The following PLXDC2 variants were observed in gnomAD, a reference collection of about 807,000 sequenced individuals.
PLXDC2 encodes the protein plexin domain-containing protein 2.
A neutral mutation model predicts 68.9 loss-of-function variants in PLXDC2; 40 were observed. The observed-to-expected ratio is 0.58, with a 90% CI of 0.45 to 0.76. PLXDC2 has a LOEUF of 0.76. Among genes scored for constraint, PLXDC2 ranks in the 30% least tolerant of loss-of-function variants. The probability of loss-of-function intolerance (pLI) is 0.00; values close to 1 mark genes in which losing one functional copy is unlikely to be tolerated. For synonymous variants in PLXDC2, 243 were observed against 234.2 expected, an observed-to-expected ratio of 1.04 and a Z score of -0.34; for missense variants, 644 against 661.9, an observed-to-expected ratio of 0.97 and a Z score of 0.30.
chr10:19,888,801 G>A lies in PLXDC2; in HGVS notation c.112+71610G>A, dbSNP rs375001347. ...AGGCTGGTAAAATCAAGGAAAGCAC[G>A]GTTACTAAAAAATGTCATTAAAAAG... On this transcript the variant is annotated intron_variant, in intron 1 of 13. Coordinates refer to ENST00000377252, the MANE Select transcript of PLXDC2 (RefSeq NM_032812.9). Among the ~76,000 whole-genome samples, 20 of 152,020 alleles carry A rather than the reference G, an allele frequency of 1.3e-4. No homozygotes were observed. In the East Asian group the frequency reaches 3.3e-3, roughly 25 times the overall value.
At chr10:20,177,466 A>C in intron 9 of PLXDC2, 57 bp downstream of exon 9, 1 of 952,732 alleles carries the variant, frequency 1.0e-6, no homozygotes, top group Non-Finnish European at 1.4e-6. Flanking sequence ...TTAAAAGATT[A>C]GAAATTAAAA....
chr10:19,920,015 TAAC>T (rs1233700047), intron 1 of PLXDC2, among the ~76,000 whole-genome samples: 1 of 152,224 alleles, frequency 6.6e-6, no homozygotes, highest in Non-Finnish European at 1.5e-5. Context: ...AGTAATTTTA[TAAC>T]AACAACATTC....
intron 2 of PLXDC2, among the ~76,000 whole-genome samples, chr10:20,012,478 GC>G (rs1422003449): frequency 4.7e-5 from 7 of 148,772 alleles, no homozygotes; most frequent in Non-Finnish European, 9.0e-5. Flanking sequence ...ACCACGCCCA[GC>G]TTTTTTTTTT....
chr10:20,066,573 A>AT (rs1564302460), intron 3 of PLXDC2, among the ~76,000 whole-genome samples: 1 of 152,222 alleles, frequency 6.6e-6, no homozygotes, highest in Non-Finnish European at 1.5e-5. Flanking sequence ...TAGGGTTCTT[A>AT]GTGACCACTT....
intron 1 of PLXDC2, 105 bp downstream of exon 1, chr10:19,817,296 T>TG: frequency 1.1e-6 from 1 of 938,300 alleles, no homozygotes; most frequent in Non-Finnish European, 1.6e-6. Context: ...TATCTGCCCT[T>TG]GGGAAACTTA....
At chr10:20,126,139 GTA>G (rs1216427747) in intron 4 of PLXDC2, among the ~76,000 whole-genome samples, 2 of 145,496 alleles carry the variant, frequency 1.4e-5, no homozygotes, top group East Asian at 4.0e-4. Flanking sequence ...TTATATATGT[GTA>G]TATATAACAT....
intron 2 of PLXDC2, among the ~76,000 whole-genome samples, chr10:20,017,776 T>C (rs1835238138): frequency 6.6e-6 from 1 of 152,242 alleles, no homozygotes; most frequent in Non-Finnish European, 1.5e-5. Flanking sequence ...AGATGATCAC[T>C]GCACTTACAT....
At chr10:19,943,527 A>G (rs778777787) in intron 1 of PLXDC2, among the ~76,000 whole-genome samples, 15 of 152,248 alleles carry the variant, frequency 9.9e-5, no homozygotes, top group Non-Finnish European at 1.8e-4. Context: ...GCATAACCAT[A>G]TACTAATGGC....
chr10:20,037,999 C>G (rs546558520), intron 2 of PLXDC2, among the ~76,000 whole-genome samples: 1 of 152,244 alleles, frequency 6.6e-6, no homozygotes, highest in South Asian at 2.1e-4. Context: ...AATCCCAGCA[C>G]GCTGGGAGGC....
intron 7 of PLXDC2, among the ~76,000 whole-genome samples, chr10:20,175,357 G>C (rs1176111747): frequency 1.3e-5 from 2 of 152,122 alleles, no homozygotes; most frequent in Non-Finnish European, 2.9e-5. Context: ...CAAAACTGTG[G>C]TTTGAGCCCA....
intron 1 of PLXDC2, among the ~76,000 whole-genome samples, chr10:19,820,731 A>G (rs1836452779): frequency 6.6e-6 from 1 of 151,816 alleles, no homozygotes. Flanking sequence ...CAGAAACATT[A>G]TGTTTTTAAA....
At chr10:20,014,214 T>TTCCTTCCCTCCTTCCTTCCC (rs1835164561) in intron 2 of PLXDC2, among the ~76,000 whole-genome samples, 2 of 142,140 alleles carry the variant, frequency 1.4e-5, no homozygotes, top group Non-Finnish European at 3.1e-5. Context: ...CCTTCCTTCC[T>TTCCTTCCCTCCTTCCTTCCC]TCCTTCCCTC....
intron 3 of PLXDC2, among the ~76,000 whole-genome samples, chr10:20,050,888 A>G (rs369802290): frequency 6.6e-5 from 10 of 152,220 alleles, no homozygotes; most frequent in Admixed American, 2.6e-4. Flanking sequence ...TACTGGGTAT[A>G]TAGCCAGAAG....
chr10:20,037,787 G>A (rs1013494102), intron 2 of PLXDC2, among the ~76,000 whole-genome samples: 2 of 152,164 alleles, frequency 1.3e-5, no homozygotes, highest in South Asian at 4.1e-4. Flanking sequence ...TAGCAGAGAG[G>A]ACAATCTCAT....
intron 4 of PLXDC2, among the ~76,000 whole-genome samples, chr10:20,131,509 C>T (rs769348838): frequency 6.6e-6 from 1 of 152,130 alleles, no homozygotes; most frequent in East Asian, 1.9e-4. Context: ...GAGCAATTCT[C>T]CTGTCTCAGC....
At chr10:20,195,426 C>A (rs148538417) in intron 9 of PLXDC2, among the ~76,000 whole-genome samples, 1 of 152,098 alleles carries the variant, frequency 6.6e-6, no homozygotes, top group Non-Finnish European at 1.5e-5. Context: ...AAGCAACGAG[C>A]GGGTGCAGTG....
intron 1 of PLXDC2, among the ~76,000 whole-genome samples, chr10:19,999,167 G>A (rs1470448211): frequency 6.6e-6 from 1 of 152,152 alleles, no homozygotes; most frequent in Non-Finnish European, 1.5e-5. Context: ...TTTACTTTCT[G>A]TTCTGTGCCA....
chr10:20,129,549 A>G (rs1033282407), intron 4 of PLXDC2, among the ~76,000 whole-genome samples: 1 of 151,258 alleles, frequency 6.6e-6, no homozygotes, highest in African/African-American at 2.4e-5. Context: ...ACACATACAC[A>G]TATATATGTG....
At chr10:19,901,495 G>A (rs145470719) in intron 1 of PLXDC2, among the ~76,000 whole-genome samples, 3,607 of 151,936 alleles carry the variant, frequency 0.024, 140 homozygotes, top group African/African-American at 0.082. Context: ...TTGTCTATTC[G>A]TGTCCTTAGC....
Sources: allele counts gnomAD v4.1 joint callset (sites outside exome capture counted in the v4.1 genomes callset), GRCh38; gene constraint gnomAD v4.1.1; transcripts MANE v1.5; gene names NCBI Gene and HGNC (gene_info 2026-07-23, HGNC 2026-07-21).